Variants in ARHGAP35 observed in about 807,000 individuals in gnomAD.
ARHGAP35 encodes rho GTPase-activating protein 35.
Under a neutral mutation model 111.1 loss-of-function variants are expected in ARHGAP35, and 15 were observed. The observed-to-expected ratio is 0.13, with a 90% CI of 0.09 to 0.21. The LOEUF (loss-of-function observed/expected upper bound fraction) is 0.21. Among genes scored for constraint, ARHGAP35 ranks in the 10% least tolerant of loss-of-function variants. ARHGAP35 has a pLI of 1.00. For missense variants in ARHGAP35, 1,262 were observed against 1,873.0 expected (o/e 0.67, Z 6.02); for synonymous variants, 643 against 710.3 (o/e 0.91, Z 1.51).
At chr19:46,913,578 A>G (rs943958734) in intron 1 of ARHGAP35, among the ~76,000 whole-genome samples, 4 of 152,144 alleles carry the variant, frequency 2.6e-5, no homozygotes, top group African/African-American at 9.7e-5. Context: ...AGGCACGTAG[A>G]TATTTGCATT....
intron 1 of ARHGAP35, among the ~76,000 whole-genome samples, chr19:46,881,982 CT>C (rs947751342): frequency 3.3e-5 from 5 of 152,230 alleles, no homozygotes; most frequent in Non-Finnish European, 7.3e-5. Context: ...TAACCAGTCT[CT>C]GCCAGCTTCT....
At chr19:46,900,891 C>T (rs1326851800) in intron 1 of ARHGAP35, among the ~76,000 whole-genome samples, 2 of 152,226 alleles carry the variant, frequency 1.3e-5, no homozygotes, top group Non-Finnish European at 2.9e-5. Context: ...CCCACGCCTC[C>T]TGCTCAGTGG....
intron 3 of ARHGAP35, among the ~76,000 whole-genome samples, chr19:46,946,316 T>C (rs2056379303): frequency 6.6e-6 from 1 of 152,192 alleles, no homozygotes; most frequent in Non-Finnish European, 1.5e-5. Context: ...TCAGGGTACA[T>C]CTCAGTCCTC....
intron 3 of ARHGAP35, among the ~76,000 whole-genome samples, chr19:46,938,758 A>G (rs570461678): frequency 1.4e-4 from 22 of 152,070 alleles, no homozygotes; most frequent in African/African-American, 5.1e-4. Flanking sequence ...CCCAGGTTCA[A>G]GTGATTCTCC....
chr19:46,862,128 C>T (rs1353502150), intron 1 of ARHGAP35, among the ~76,000 whole-genome samples: 2 of 152,100 alleles, frequency 1.3e-5, no homozygotes, highest in Non-Finnish European at 2.9e-5. Flanking sequence ...TCAGCTCTGC[C>T]CCTTGCCCGA....
rs1308401467 is a variant in ARHGAP35 at position 47,002,627 on chromosome 19, TG to T, written c.*1940del. The stretch of plus-strand genomic sequence containing the variant: ...TCCCCCAGCCCTGGACCCCAGCAGA[TG>T]AGGAAACGGCCCCATTTACTGACCC... On this transcript the variant is annotated 3_prime_UTR_variant, in exon 7 of 7. Coordinates refer to ENST00000672722, the MANE Select transcript of ARHGAP35 (RefSeq NM_004491.5). 1 of 152,126 alleles carries T rather than the reference TG, an allele frequency of 6.6e-6. No homozygotes were observed. Among genetic ancestry groups the T allele is most frequent in the Non-Finnish European group, 1.5e-5 (1 of 68,036 alleles). The allele number at this position is 152,126 out of a possible 1,614,324, so 9.4% of individuals were successfully genotyped here.
rs1376142674 is a variant in ARHGAP35 at position 46,919,531 on chromosome 19, A to G, written c.856A>G (p.Lys286Glu). The G allele has an allele frequency of 6.2e-7, 1 of 1,613,844 alleles. No homozygotes were observed. Among genetic ancestry groups the G allele is most frequent in the African/African-American group, 1.3e-5 (1 of 74,926 alleles). ...KYEWLVSRIV[K>E]NHNENWLSVS... Reference sequence around the variant, plus strand: ...TGAGTGGCTGGTGAGTCGCATTGTGAAAAACCACAATGAGAACTGGCTGAG... The same window carrying G: ...TGAGTGGCTGGTGAGTCGCATTGTGGAAAACCACAATGAGAACTGGCTGAG... Residue 286 changes from lysine (K) to glutamate (E), a missense_variant, in exon 2 of 7, where the codon AAA becomes GAA. Coordinates refer to ENST00000672722, the MANE Select transcript of ARHGAP35 (RefSeq NM_004491.5). This position sits in a 1 kb window ranked among gnomAD's most constrained non-coding sequence, Gnocchi z 6.2.
intron 3 of ARHGAP35, among the ~76,000 whole-genome samples, chr19:46,959,366 T>C (rs1425012228): frequency 6.6e-6 from 1 of 151,190 alleles, no homozygotes; most frequent in Non-Finnish European, 1.5e-5. Context: ...AAAATCTCCT[T>C]TTTTTATTTA....
chr19:46,978,821 G>A (rs937194295), intron 3 of ARHGAP35, among the ~76,000 whole-genome samples: 1 of 128,446 alleles, frequency 7.8e-6, no homozygotes, highest in African/African-American at 3.1e-5. Context: ...GTGGTAGGGG[G>A]TTTGTGTGGT....
At chr19:46,967,735 C>G (rs1038561386) in intron 3 of ARHGAP35, among the ~76,000 whole-genome samples, 6 of 152,240 alleles carry the variant, frequency 3.9e-5, no homozygotes, top group South Asian at 4.1e-4. Context: ...TTCATTCACT[C>G]TAAACTTCAG....
chr19:46,920,001 T>A lies in ARHGAP35; in HGVS notation c.1326T>A (p.Thr442=). 5 of 1,614,008 alleles carry A rather than the reference T, an allele frequency of 3.1e-6. No individual in the cohort carries two copies. The highest frequency in any genetic ancestry group is 4.2e-6 in the Non-Finnish European group (5 of 1,179,894). Residue 442 remains threonine, a synonymous_variant, in exon 2 of 7, where the codon ACT becomes ACA. Coordinates refer to ENST00000672722, the MANE Select transcript of ARHGAP35 (RefSeq NM_004491.5). The surrounding 1 kb of genome is among the most constrained non-coding windows in gnomAD (Gnocchi z 7.0). ...MRRAFKENLE[T]SPFITPGKPW... is the part of the protein sequence containing the mutation. ...GGGCGTTTAAAGAAAACCTGGAGAC[T>A]TCTCCTTTCATAACTCCCGGAAAGC...
Position 46,989,539 on chromosome 19 carries a change from T to TTC in ARHGAP35, c.3905-4_3905-3dup. 1 of 1,613,778 alleles carries TTC rather than the reference T, an allele frequency of 6.2e-7. No homozygotes were observed. Among genetic ancestry groups the TTC allele is most frequent in the Non-Finnish European group, 8.5e-7 (1 of 1,179,768 alleles). On this transcript the variant is annotated splice_polypyrimidine_tract_variant and splice_region_variant and intron_variant, in intron 4 of 6. Coordinates refer to ENST00000672722, the MANE Select transcript of ARHGAP35 (RefSeq NM_004491.5). The surrounding 1 kb of genome is among the most constrained non-coding windows in gnomAD (Gnocchi z 5.3). Reference sequence around the variant, plus strand: ...TTTGGCCTCACTCTCCTGACTTCCTTTCAGACCACAACCTGGACCTGGCAG... The same window carrying TTC: ...TTTGGCCTCACTCTCCTGACTTCCTTTCTCAGACCACAACCTGGACCTGGCAG...
At chr19:46,928,145 C>T (rs1224067405) in intron 2 of ARHGAP35, among the ~76,000 whole-genome samples, 1 of 152,018 alleles carries the variant, frequency 6.6e-6, no homozygotes, top group African/African-American at 2.4e-5. Context: ...TTATTTTAAG[C>T]CTGAAGAACT....
rs1433152367 is a variant in ARHGAP35, at chr19:46,921,218, A to G, written c.2543A>G (p.Lys848Arg). 1.4e-5 allele frequency: 22 copies of G among 1,613,926 alleles called. No homozygotes were observed. The highest frequency in any genetic ancestry group is 1.9e-5 in the Non-Finnish European group (22 of 1,179,908). Residue 848 changes from lysine (K) to arginine (R), a missense_variant, in exon 2 of 7, where the codon AAG becomes AGG. By Grantham distance (26) the Lys-to-Arg change is conservative. This residue lies in a region of ARHGAP35 where 579 missense variants were observed against 716.9 expected (regional missense o/e 0.81). Coordinates refer to ENST00000672722, the MANE Select transcript of ARHGAP35 (RefSeq NM_004491.5). This position sits in a 1 kb window ranked among gnomAD's most constrained non-coding sequence, Gnocchi z 4.3. ...TACCATTCCTCCTTTAGCATCAGAA[A>G]GAGCCGGTTGGTTCATGGGTACATT... Reference protein sequence around the residue: ...LSYHSSFSIRKSRLVHGYIVF... With the variant: ...LSYHSSFSIRRSRLVHGYIVF...
At chr19:46,939,632 C>G (rs977070514) in intron 3 of ARHGAP35, among the ~76,000 whole-genome samples, 2 of 151,536 alleles carry the variant, frequency 1.3e-5, no homozygotes, top group African/African-American at 4.8e-5. Flanking sequence ...AGGCTCGTCT[C>G]AAACTCCTGA....
rs914753363 is a variant in ARHGAP35, at chr19:46,989,875, G to T, written c.4036+200G>T. The stretch of plus-strand genomic sequence containing the variant: ...TGTAGACCTTAGGTGCTTATCTGAG[G>T]GTTACACCAAGAGAGTTGCAGGTTT... On this transcript the variant is annotated intron_variant, in intron 5 of 6. Coordinates refer to ENST00000672722, the MANE Select transcript of ARHGAP35 (RefSeq NM_004491.5). The surrounding 1 kb of genome is among the most constrained non-coding windows in gnomAD (Gnocchi z 5.3). Among the ~76,000 whole-genome samples, 21 of 152,144 alleles carry T rather than the reference G, an allele frequency of 1.4e-4. No individual in the cohort carries two copies. Among genetic ancestry groups the T allele is most frequent in the African/African-American group, 3.6e-4 (15 of 41,440 alleles).
intron 3 of ARHGAP35, among the ~76,000 whole-genome samples, chr19:46,940,787 C>T (rs577703377): frequency 3.3e-5 from 5 of 152,190 alleles, no homozygotes; most frequent in East Asian, 3.9e-4. Flanking sequence ...GATATTTCAT[C>T]GTGATCAAGT....
intron 3 of ARHGAP35, among the ~76,000 whole-genome samples, chr19:46,966,260 C>T (rs1013360757): frequency 5.3e-5 from 8 of 151,950 alleles, no homozygotes; most frequent in African/African-American, 1.9e-4. Context: ...ATACAAAATG[C>T]AATTGAGGCC....
chr19:46,899,924 G>C (rs1204395741), intron 1 of ARHGAP35, among the ~76,000 whole-genome samples: 1 of 152,108 alleles, frequency 6.6e-6, no homozygotes. Context: ...TGGAGTTGGA[G>C]ATAAACAGTT....
Sources: allele counts gnomAD v4.1 joint callset (sites outside exome capture counted in the v4.1 genomes callset), GRCh38; gene constraint gnomAD v4.1.1; regional missense constraint gnomAD v4.1.1; non-coding constraint Gnocchi (gnomAD v3.1); transcripts MANE v1.5; gene names NCBI Gene and HGNC (gene_info 2026-07-23, HGNC 2026-07-21).